UBR3: variants seen among roughly 807,000 people sequenced by gnomAD.
UBR3 encodes E3 ubiquitin-protein ligase UBR3.
UBR3 carries 85 observed loss-of-function variants against 243.2 expected under a neutral mutation model. That is an observed-to-expected ratio of 0.35 (90% confidence interval 0.29 to 0.42). The LOEUF (loss-of-function observed/expected upper bound fraction) is 0.42. Among genes scored for constraint, UBR3 ranks in the 10% least tolerant of loss-of-function variants. The pLI, the probability that UBR3 is intolerant of heterozygous loss-of-function variation, is 1.00. For synonymous variants in UBR3, 748 were observed against 799.8 expected (o/e 0.94, Z 1.09); for missense variants, 1,686 against 2,300.8 (o/e 0.73, Z 5.47).
chr2:169,946,906 T>C (rs569611553), intron 21 of UBR3, among the ~76,000 whole-genome samples: 1 of 152,120 alleles, frequency 6.6e-6, no homozygotes, highest in Non-Finnish European at 1.5e-5. Flanking sequence ...TGGGAGAATG[T>C]TTAAAGTACT....
intron 32 of UBR3, among the ~76,000 whole-genome samples, chr2:170,050,720 C>G (rs887637506): frequency 1.3e-5 from 2 of 152,124 alleles, no homozygotes; most frequent in African/African-American, 2.4e-5. Context: ...AGTTAGCAGC[C>G]TGTTGACCTA....
At position 169,847,379 on chromosome 2, in the gene UBR3, G is replaced by A. The variant is rs993189142; in HGVS notation, c.545+19327G>A. On this transcript the variant is annotated intron_variant, in intron 1 of 38. Coordinates refer to ENST00000272793, the MANE Select transcript of UBR3 (RefSeq NM_172070.4). ...ACTGTAACTCTGTTGTTATTTTATTGATCTCTTTATGGTTTATAGTATATG... is the reference window on the plus strand; with the variant it reads ...ACTGTAACTCTGTTGTTATTTTATTAATCTCTTTATGGTTTATAGTATATG... Among the ~76,000 whole-genome samples, 17 of 151,652 alleles carry A rather than the reference G, an allele frequency of 1.1e-4. No homozygotes were observed. In the East Asian group the frequency reaches 3.3e-3, roughly 29 times the overall value.
chr2:170,069,123 C>A (rs2091642440), intron 35 of UBR3, among the ~76,000 whole-genome samples: 1 of 152,020 alleles, frequency 6.6e-6, no homozygotes, highest in Admixed American at 6.6e-5. Context: ...CTTCTGAACT[C>A]AATTTATAAG....
intron 1 of UBR3, among the ~76,000 whole-genome samples, chr2:169,870,982 A>T (rs534201004): frequency 6.6e-6 from 1 of 151,660 alleles, no homozygotes; most frequent in African/African-American, 2.4e-5. Flanking sequence ...AAAAAAAAAG[A>T]TCAATTTTTC....
intron 5 of UBR3, among the ~76,000 whole-genome samples, chr2:169,889,759 C>T: frequency 6.6e-6 from 1 of 152,052 alleles, no homozygotes; most frequent in African/African-American, 2.4e-5. Flanking sequence ...AGAAAATGGC[C>T]CTGAGGATTG....
chr2:169,958,852 T>C (rs1196182125), intron 24 of UBR3, among the ~76,000 whole-genome samples: 1 of 152,228 alleles, frequency 6.6e-6, no homozygotes, highest in African/African-American at 2.4e-5. Flanking sequence ...TGTGAAATTA[T>C]CTTAAAATCC....
At chr2:170,055,424 G>T in intron 32 of UBR3, 36 bp from the exon 33 acceptor site, 1 of 1,602,526 alleles carries the variant, frequency 6.2e-7, no homozygotes, top group South Asian at 1.1e-5. Flanking sequence ...AAAATATCTA[G>T]ATTCCAAAGA....
At chr2:170,062,505 A>G (rs2091475850) in intron 35 of UBR3, among the ~76,000 whole-genome samples, 2 of 152,222 alleles carry the variant, frequency 1.3e-5, no homozygotes, top group Non-Finnish European at 2.9e-5. Context: ...CATTCTTTTT[A>G]GAGTTATAAG....
chr2:170,056,671 A>G (rs571901640), intron 33 of UBR3, among the ~76,000 whole-genome samples: 43 of 152,342 alleles, frequency 2.8e-4, no homozygotes, highest in African/African-American at 3.6e-4. Flanking sequence ...TTGAAATTAT[A>G]TCTACTTGTA....
At position 169,973,541 on chromosome 2, in the gene UBR3, A is replaced by C. The variant is rs765707042; in HGVS notation, c.3635-13104A>C. 8.4e-4 allele frequency among the ~76,000 whole-genome samples: 128 copies of C among 152,324 alleles called. 1 individual carries two copies. Among genetic ancestry groups the C allele is most frequent in the Non-Finnish European group, 1.6e-3 (109 of 68,026 alleles). ...TACTAGAAACACTACTGATTTTTCT[A>C]TGTTAATTTTGTATCCTGAAGCTTT... On this transcript the variant is annotated intron_variant, in intron 24 of 38. Coordinates refer to ENST00000272793, the MANE Select transcript of UBR3 (RefSeq NM_172070.4).
intron 22 of UBR3, among the ~76,000 whole-genome samples, chr2:169,949,227 A>C (rs562486264): frequency 3.3e-5 from 5 of 152,242 alleles, no homozygotes; most frequent in African/African-American, 7.2e-5. Flanking sequence ...GCAGTCTTCC[A>C]GAAGTTAGTA....
intron 23 of UBR3, among the ~76,000 whole-genome samples, chr2:169,951,454 C>T (rs1220328253): frequency 6.6e-6 from 1 of 152,056 alleles, no homozygotes; most frequent in Non-Finnish European, 1.5e-5. Flanking sequence ...GACTTCCTGA[C>T]CTCGAGGAAT....
intron 25 of UBR3, among the ~76,000 whole-genome samples, chr2:169,992,178 C>T (rs1295250687): frequency 6.6e-6 from 1 of 152,134 alleles, no homozygotes; most frequent in Non-Finnish European, 1.5e-5. Flanking sequence ...TGAATGATTT[C>T]CTACAAATAT....
chr2:170,031,428 C>T (rs745450004), intron 31 of UBR3, among the ~76,000 whole-genome samples: 3 of 152,034 alleles, frequency 2.0e-5, no homozygotes, highest in Non-Finnish European at 4.4e-5. Flanking sequence ...CACAGTTAAA[C>T]ACGCCTTCCT....
At chr2:169,883,255 A>G (rs7592034) in intron 5 of UBR3, among the ~76,000 whole-genome samples, 24,069 of 152,024 alleles carry the variant, frequency 0.16, 2,126 homozygotes, top group Admixed American at 0.25. Flanking sequence ...CTGATAGTTG[A>G]TGCTGACCAT....
chr2:169,919,797 AAGTC>A lies in UBR3; in HGVS notation c.1867-4129_1867-4126del, dbSNP rs574958095. Among the ~76,000 whole-genome samples the A allele has an allele frequency of 2.9e-3, 435 of 152,320 alleles. 2 individuals are homozygous for A. Among genetic ancestry groups the A allele is most frequent in the African/African-American group, 9.7e-3 (402 of 41,570 alleles). On this transcript the variant is annotated intron_variant, in intron 11 of 38. Coordinates refer to ENST00000272793, the MANE Select transcript of UBR3 (RefSeq NM_172070.4). The stretch of plus-strand genomic sequence containing the variant: ...ACCAGTTAGAATGGCAGTCATTAAA[AAGTC>A]AGGAAACAACAGGTGCTGGAGAGGA...
chr2:170,036,547 C>G (rs1054382133), intron 31 of UBR3, among the ~76,000 whole-genome samples: 3 of 151,980 alleles, frequency 2.0e-5, no homozygotes, highest in Non-Finnish European at 4.4e-5. Flanking sequence ...CATTTTTTGG[C>G]TAATATGAGT....
At chr2:170,040,083 T>G (rs2090929301) in intron 31 of UBR3, among the ~76,000 whole-genome samples, 1 of 152,046 alleles carries the variant, frequency 6.6e-6, no homozygotes, top group Non-Finnish European at 1.5e-5. Flanking sequence ...TTTTTGAAAC[T>G]TTGCAAATGT....
At chr2:169,992,963 G>A (rs544184748) in intron 25 of UBR3, among the ~76,000 whole-genome samples, 9 of 147,000 alleles carry the variant, frequency 6.1e-5, no homozygotes, top group African/African-American at 7.5e-5. Flanking sequence ...GTTTTGTCAT[G>A]TTGGCCAGGC....
Sources: allele counts gnomAD v4.1 joint callset (sites outside exome capture counted in the v4.1 genomes callset), GRCh38; gene constraint gnomAD v4.1.1; transcripts MANE v1.5; gene names NCBI Gene and HGNC (gene_info 2026-07-23, HGNC 2026-07-21).